Variants in MGMT observed in about 807,000 individuals in gnomAD.
MGMT encodes O-6-methylguanine-DNA methyltransferase.
MGMT carries 14 observed loss-of-function variants against 15.9 expected under a neutral mutation model. That is an observed-to-expected ratio of 0.88 (90% confidence interval 0.58 to 1.37). MGMT has a LOEUF of 1.37. MGMT is among the 40% of genes most tolerant of loss of function. The pLI, the probability that MGMT is intolerant of heterozygous loss-of-function variation, is 0.00. For synonymous variants in MGMT, 130 were observed against 118.2 expected, an observed-to-expected ratio of 1.10 and a Z score of -0.65; for missense variants, 282 against 268.1, an observed-to-expected ratio of 1.05 and a Z score of -0.36.
chr10:129,747,332 C>T (rs1469506898), intron 3 of MGMT, among the ~76,000 whole-genome samples: 1 of 152,062 alleles, frequency 6.6e-6, no homozygotes, highest in African/African-American at 2.4e-5. Flanking sequence ...GGGTTTTTTG[C>T]AGATACAGTT....
intron 2 of MGMT, among the ~76,000 whole-genome samples, chr10:129,676,851 A>G (rs1361720408): frequency 1.3e-5 from 2 of 152,210 alleles, no homozygotes; most frequent in African/African-American, 4.8e-5. Context: ...TGTATAGCAT[A>G]AAGCAGTAAA....
intron 2 of MGMT, among the ~76,000 whole-genome samples, chr10:129,637,007 C>T (rs1847271580): frequency 6.6e-6 from 1 of 152,188 alleles, no homozygotes; most frequent in Non-Finnish European, 1.5e-5. Context: ...AGGGTTGCTT[C>T]TCTTGAATAA....
At chr10:129,688,530 ATGG>A in intron 2 of MGMT, among the ~76,000 whole-genome samples, 1 of 152,004 alleles carries the variant, frequency 6.6e-6, no homozygotes, top group South Asian at 2.1e-4. Flanking sequence ...CCACTTTTTG[ATGG>A]TGTTGTTTGA....
intron 2 of MGMT, among the ~76,000 whole-genome samples, chr10:129,695,425 T>C (rs1174972898): frequency 1.3e-5 from 2 of 152,260 alleles, no homozygotes; most frequent in Admixed American, 6.5e-5. Context: ...TATTTATTAA[T>C]GAGCCCAAGT....
intron 3 of MGMT, among the ~76,000 whole-genome samples, chr10:129,736,892 T>G: frequency 6.6e-6 from 1 of 152,308 alleles, no homozygotes; most frequent in South Asian, 2.1e-4. Context: ...TTGGCCCCCA[T>G]TCTCTTCTGG....
At chr10:129,737,646 C>G (rs907443276) in intron 3 of MGMT, among the ~76,000 whole-genome samples, 7 of 152,198 alleles carry the variant, frequency 4.6e-5, no homozygotes, top group African/African-American at 1.7e-4. Flanking sequence ...TTTAGAGTTT[C>G]CAGTTTTTCT....
chr10:129,516,362 C>G (rs1276025352), intron 1 of MGMT, among the ~76,000 whole-genome samples: 1 of 152,130 alleles, frequency 6.6e-6, no homozygotes, highest in Non-Finnish European at 1.5e-5. Context: ...ACGTGCATGG[C>G]TGAGCAGAGC....
chr10:129,493,196 G>C (rs1242171811), intron 1 of MGMT, among the ~76,000 whole-genome samples: 1 of 152,102 alleles, frequency 6.6e-6, no homozygotes, highest in African/African-American at 2.4e-5. Flanking sequence ...TGGGTGTTTG[G>C]GTTTCTGTTG....
In MGMT at chr10:129,556,184, C is replaced by T. The variant is rs558856655; in HGVS notation, c.125+19807C>T. On this transcript the variant is annotated intron_variant, in intron 2 of 4. Coordinates refer to ENST00000651593, the MANE Select transcript of MGMT (RefSeq NM_002412.5). This position sits in a 1 kb window ranked among gnomAD's most constrained non-coding sequence, Gnocchi z 4.3. ...TCTCACAGAGACCAAGCAGTGCTTT[C>T]GGGATCGCTCTGTTGGTCTCTGTGT... Among the ~76,000 whole-genome samples the T allele has an allele frequency of 3.5e-4, 54 of 152,284 alleles. 1 individual carries two copies. Among genetic ancestry groups the T allele is most frequent in the African/African-American group, 1.3e-3 (52 of 41,562 alleles).
At chr10:129,483,833 A>C (rs903246480) in intron 1 of MGMT, among the ~76,000 whole-genome samples, 32 of 151,400 alleles carry the variant, frequency 2.1e-4, no homozygotes, top group Admixed American at 2.0e-3. Context: ...CTGATTTTGG[A>C]TTTTTTTTGG....
At chr10:129,487,910 G>GGGGT (rs1491084375) in intron 1 of MGMT, among the ~76,000 whole-genome samples, 10 of 111,422 alleles carry the variant, frequency 9.0e-5, no homozygotes, top group Admixed American at 4.7e-4. Context: ...ATACCATATA[G>GGGGT]GGGTGTGTGT....
chr10:129,613,762 G>A (rs191426375), intron 2 of MGMT, among the ~76,000 whole-genome samples: 23 of 152,286 alleles, frequency 1.5e-4, no homozygotes, highest in East Asian at 1.4e-3. Flanking sequence ...TGCCTTGGGC[G>A]CCTCTGCCCA....
intron 2 of MGMT, among the ~76,000 whole-genome samples, chr10:129,612,514 C>T (rs540834291): frequency 1.6e-4 from 24 of 152,252 alleles, no homozygotes; most frequent in Middle Eastern, 3.4e-3. Context: ...GTTTTATACC[C>T]GGGAATGTTA....
intron 1 of MGMT, among the ~76,000 whole-genome samples, chr10:129,496,685 G>A (rs1168126490): frequency 6.6e-6 from 1 of 152,038 alleles, no homozygotes; most frequent in Non-Finnish European, 1.5e-5. Context: ...GCTGTCCCGT[G>A]CTCTAGAGGT....
chr10:129,654,914 G>A (rs1486120290), intron 2 of MGMT, among the ~76,000 whole-genome samples: 2 of 152,196 alleles, frequency 1.3e-5, no homozygotes, highest in Admixed American at 6.5e-5. Flanking sequence ...TTCTAACTCA[G>A]AGAAGTGGGA....
intron 1 of MGMT, among the ~76,000 whole-genome samples, chr10:129,504,188 C>T (rs79548369): frequency 0.038 from 5,753 of 152,286 alleles, 163 homozygotes; most frequent in South Asian, 0.067. Context: ...GCAGACATAA[C>T]GTGGCAATCA....
intron 1 of MGMT, among the ~76,000 whole-genome samples, chr10:129,513,267 T>G (rs12260001): frequency 0.15 from 23,555 of 152,118 alleles, 2,552 homozygotes; most frequent in African/African-American, 0.3. Context: ...AATGGGGACA[T>G]AGCTTTTGCT....
At chr10:129,621,444 G>A (rs1391564241) in intron 2 of MGMT, among the ~76,000 whole-genome samples, 1 of 152,206 alleles carries the variant, frequency 6.6e-6, no homozygotes, top group African/African-American at 2.4e-5. Flanking sequence ...CTCTTTTCAC[G>A]TACGCATTTT....
At chr10:129,542,474 A>G (rs1471053498) in intron 2 of MGMT, among the ~76,000 whole-genome samples, 2 of 152,192 alleles carry the variant, frequency 1.3e-5, no homozygotes, top group Non-Finnish European at 2.9e-5. Context: ...AAGGAGGAGA[A>G]GAAACTGTTC....
Sources: allele counts gnomAD v4.1 joint callset (sites outside exome capture counted in the v4.1 genomes callset), GRCh38; gene constraint gnomAD v4.1.1; non-coding constraint Gnocchi (gnomAD v3.1); transcripts MANE v1.5; gene names NCBI Gene and HGNC (gene_info 2026-07-23, HGNC 2026-07-21).